The following TRDN variants were observed in gnomAD, a reference collection of about 807,000 sequenced individuals.
TRDN encodes triadin, also known as triadin in skeletal muscle.
TRDN carries 161 observed loss-of-function variants against 149.7 expected under a neutral mutation model. The ratio of observed to expected loss-of-function variants is 1.08; its 90% CI spans 0.95 to 1.23. The LOEUF is 1.23. Ranked by LOEUF, TRDN falls within the 50% of genes most tolerant of loss-of-function variation. The pLI, the probability that TRDN is intolerant of heterozygous loss-of-function variation, is 0.00. For synonymous variants in TRDN, 294 were observed against 250.5 expected (o/e 1.17, Z -1.64); for missense variants, 896 against 823.5 (o/e 1.09, Z -1.08).
chr6:123,237,436 G>A lies in TRDN; in HGVS notation c.1976-13305C>T, dbSNP rs140397497. 1.5e-3 allele frequency among the ~76,000 whole-genome samples: 230 copies of A among 152,158 alleles called. 1 individual carries two copies. The highest frequency in any genetic ancestry group is 4.8e-3 in the South Asian group (23 of 4,826). On this transcript the variant is annotated intron_variant, in intron 38 of 40. Transcript: ENST00000334268. ...GGCTAATTTTTGTATTTTTAGCAGA[G>A]ACAGAGTTTCACCATCTTGGCCGGG...
chr6:123,249,133 A>G (rs560564114), intron 38 of TRDN, among the ~76,000 whole-genome samples: 1 of 152,264 alleles, frequency 6.6e-6, no homozygotes, highest in African/African-American at 2.4e-5. Context: ...AAGTGGGCAA[A>G]TGAACAGACA....
At chr6:123,593,813 T>A (rs577272550) in intron 1 of TRDN, among the ~76,000 whole-genome samples, 99 of 152,316 alleles carry the variant, frequency 6.5e-4, no homozygotes, top group African/African-American at 2.3e-3. Context: ...AAGATACAAT[T>A]CAACCTATGA....
chr6:123,520,520 T>A (rs1011142024), intron 5 of TRDN, among the ~76,000 whole-genome samples: 1 of 152,308 alleles, frequency 6.6e-6, no homozygotes, highest in Admixed American at 6.5e-5. Flanking sequence ...CCAAGCACAT[T>A]ATCTGTGATC....
At chr6:123,384,765 A>T (rs948683907) in intron 14 of TRDN, among the ~76,000 whole-genome samples, 8 of 152,194 alleles carry the variant, frequency 5.3e-5, no homozygotes, top group Non-Finnish European at 1.0e-4. Context: ...TTTCTTTTGG[A>T]GTCAATAGTG....
intron 31 of TRDN, 139 bp downstream of exon 31, chr6:123,269,710 T>C (rs1302926706): frequency 1.6e-5 from 12 of 738,824 alleles, no homozygotes; most frequent in South Asian, 2.8e-5. Context: ...TAAATAGCAA[T>C]AACATTAATT....
intron 9 of TRDN, chr6:123,489,377 A>C (rs1583133495): frequency 6.6e-6 from 1 of 152,032 alleles, no homozygotes; most frequent in South Asian, 2.1e-4. Flanking sequence ...CCGAGTTTAT[A>C]TTTTTCCCAT....
chr6:123,415,609 G>C (rs932874728), intron 12 of TRDN, among the ~76,000 whole-genome samples: 3 of 152,128 alleles, frequency 2.0e-5, no homozygotes, highest in African/African-American at 7.2e-5. Flanking sequence ...AAGTGTACTA[G>C]CCAAATAATC....
chr6:123,587,892 AT>A (rs1334840018), intron 1 of TRDN, among the ~76,000 whole-genome samples: 1 of 152,076 alleles, frequency 6.6e-6, no homozygotes, highest in East Asian at 1.9e-4. Context: ...GGAACAGGCC[AT>A]TTTCACTTCT....
chr6:123,279,817 C>T (rs548267889), intron 24 of TRDN, among the ~76,000 whole-genome samples: 1 of 152,158 alleles, frequency 6.6e-6, no homozygotes, highest in South Asian at 2.1e-4. Flanking sequence ...AATATGTATG[C>T]TCTACTGTAA....
At chr6:123,474,934 A>G (rs1256654254) in intron 9 of TRDN, among the ~76,000 whole-genome samples, 1 of 152,210 alleles carries the variant, frequency 6.6e-6, no homozygotes, top group African/African-American at 2.4e-5. Context: ...CAGTGTGTAG[A>G]GGGAAATTTA....
Position 123,279,092 on chromosome 6 carries a change from AG to A in TRDN, c.1511-11del, listed in dbSNP as rs748752079. 6.2e-7 allele frequency: 1 copy of A among 1,605,148 alleles called. No individual in the cohort carries two copies. The highest frequency in any genetic ancestry group is 1.1e-5 in the South Asian group (1 of 89,806). ...GGCTTGACTTCTTTGCCTAGAAAAA[AG>A]TAAAAAAATTATTAAAGGCTGAGTC... On this transcript the variant is annotated splice_polypyrimidine_tract_variant and intron_variant, in intron 24 of 40. Transcript: ENST00000334268.
intron 12 of TRDN, among the ~76,000 whole-genome samples, chr6:123,414,302 C>T (rs1240524207): frequency 6.6e-6 from 1 of 151,944 alleles, no homozygotes; most frequent in African/African-American, 2.4e-5. Flanking sequence ...GTCATTAAAA[C>T]ACAGAATAAG....
At chr6:123,265,279 A>G in intron 33 of TRDN, 39 bp downstream of exon 33, 1 of 1,378,620 alleles carries the variant, frequency 7.3e-7, no homozygotes, top group African/African-American at 1.5e-5. Flanking sequence ...TAAAACAATG[A>G]AATAGGACAA....
intron 6 of TRDN, 122 bp from the exon 7 acceptor site, chr6:123,512,484 T>G (rs1779231208): frequency 1.8e-5 from 10 of 549,528 alleles, no homozygotes; most frequent in Middle Eastern, 4.5e-4. Context: ...TGTATGACAT[T>G]AATAAGTCTA....
intron 12 of TRDN, chr6:123,418,422 A>C (rs968023134): frequency 1.3e-5 from 2 of 152,146 alleles, no homozygotes; most frequent in African/African-American, 2.4e-5. Context: ...TTTAGAAATA[A>C]AAATTCAGGA....
At chr6:123,249,559 G>T (rs1228346667) in intron 38 of TRDN, among the ~76,000 whole-genome samples, 1 of 152,082 alleles carries the variant, frequency 6.6e-6, no homozygotes, top group Admixed American at 6.6e-5. Context: ...ATTAGATAAA[G>T]AACATGTAGT....
At chr6:123,378,453 AGT>A (rs59816098) in intron 16 of TRDN, among the ~76,000 whole-genome samples, 24,310 of 136,022 alleles carry the variant, frequency 0.18, 2,203 homozygotes, top group South Asian at 0.26. Flanking sequence ...CCAGATTTGT[AGT>A]GTGTGTGTGT....
At chr6:123,297,177 T>C (rs1405736883) in intron 24 of TRDN, among the ~76,000 whole-genome samples, 2 of 152,064 alleles carry the variant, frequency 1.3e-5, no homozygotes, top group African/African-American at 4.8e-5. Flanking sequence ...TTTTTGAGGC[T>C]GCACTACAAT....
chr6:123,440,474 T>G (rs1774815826), intron 10 of TRDN, among the ~76,000 whole-genome samples: 1 of 152,200 alleles, frequency 6.6e-6, no homozygotes, highest in Non-Finnish European at 1.5e-5. Flanking sequence ...CTGGGAGAAA[T>G]TTTATGTAGT....
Sources: allele counts gnomAD v4.1 joint callset (sites outside exome capture counted in the v4.1 genomes callset), GRCh38; gene constraint gnomAD v4.1.1; transcripts MANE v1.5; gene names NCBI Gene and HGNC (gene_info 2026-07-23, HGNC 2026-07-21).